Variants in ZNF765 observed in about 807,000 individuals in gnomAD.
ZNF765 encodes the protein zinc finger protein 765.
ZNF765 carries 37 observed loss-of-function variants against 44.7 expected under a neutral mutation model. The ratio of observed to expected loss-of-function variants is 0.83; its 90% CI spans 0.64 to 1.09. The LOEUF is 1.09. Among genes scored for constraint, ZNF765 ranks in the 50% least tolerant of loss-of-function variants. The probability of loss-of-function intolerance (pLI) is 0.00; values close to 1 mark genes in which losing one functional copy is unlikely to be tolerated. For synonymous variants in ZNF765, 201 were observed against 213.7 expected, an observed-to-expected ratio of 0.94 and a Z score of 0.52; for missense variants, 594 against 626.1, an observed-to-expected ratio of 0.95 and a Z score of 0.55.
In ZNF765 at chr19:53,411,292, A is replaced by ATTTT. The variant is rs34326774; in HGVS notation, c.*2179_*2182dup. The ATTTT allele has an allele frequency of 1.5e-3, 201 of 133,184 alleles. 5 individuals carry two copies. The South Asian group carries it at 0.015, about 10-fold the overall frequency. The allele number at this position is 133,184 out of a possible 1,614,324, so 8.3% of individuals were successfully genotyped here. ...GTTTCTTTAACAAAAACTGATAGGG[A>ATTTT]TTTTTTTTTTTTTTTTTGAGATGGA... is the stretch of plus-strand genomic sequence containing the variant. On this transcript the variant is annotated 3_prime_UTR_variant, in exon 4 of 4. Coordinates refer to ENST00000396408, the MANE Select transcript of ZNF765 (RefSeq NM_001040185.3).
intron 3 of ZNF765, among the ~76,000 whole-genome samples, chr19:53,417,496 A>G (rs553333989): frequency 1.7e-4 from 26 of 152,266 alleles, no homozygotes; most frequent in African/African-American, 6.3e-4. Context: ...TCCATGGTGT[A>G]TAGGTACCAC....
chr19:53,427,035 G>A (rs2085943953), exon 4 of ZNF765: 1 of 138,010 alleles, frequency 7.2e-6, no homozygotes. Flanking sequence ...CTGGGTGTCA[G>A]GATCTCTAAA....
intron 1 of ZNF765, among the ~76,000 whole-genome samples, chr19:53,397,595 C>G (rs1398265130): frequency 1.3e-5 from 2 of 152,042 alleles, no homozygotes; most frequent in Non-Finnish European, 2.9e-5. Context: ...GTTGCCCAGG[C>G]TGGTCTCAAA....
chr19:53,422,476 A>G (rs115579518), intron 3 of ZNF765, among the ~76,000 whole-genome samples: 1,819 of 152,362 alleles, frequency 0.012, 43 homozygotes, highest in African/African-American at 0.041. Context: ...CACTTAAAAT[A>G]GGACACATCC....
intron 3 of ZNF765, among the ~76,000 whole-genome samples, chr19:53,421,250 C>T (rs1426333876): frequency 5.3e-5 from 8 of 152,134 alleles, no homozygotes; most frequent in Admixed American, 5.2e-4. Flanking sequence ...ACCCTCTCCC[C>T]ACTATTACCC....
Position 53,410,295 on chromosome 19 carries a change from A to G in ZNF765, c.*1168A>G, listed in dbSNP as rs1218943117. 2 of 360,646 alleles carry G rather than the reference A, an allele frequency of 5.5e-6. No individual in the cohort carries two copies. Among genetic ancestry groups the G allele is most frequent in the Non-Finnish European group, 1.1e-5 (2 of 177,996 alleles). The allele number at this position is 360,646 out of a possible 1,614,324, so 22.3% of individuals were successfully genotyped here. A position where few individuals can be genotyped will look rare whatever the true frequency, so the allele number is the denominator to read the frequency against. ...GTGACAAAGTTTACAGTCGCAAATC[A>G]AGCCTCCAAAGACAGGAGAATTCAT... On this transcript the variant is annotated 3_prime_UTR_variant, in exon 4 of 4. Coordinates refer to ENST00000396408, the MANE Select transcript of ZNF765 (RefSeq NM_001040185.3).
chr19:53,420,565 G>A (rs565898853), intron 3 of ZNF765, among the ~76,000 whole-genome samples: 1 of 152,124 alleles, frequency 6.6e-6, no homozygotes, highest in Non-Finnish European at 1.5e-5. Flanking sequence ...GACTCTTACT[G>A]TGTCTATGTA....
chr19:53,395,384 C>T (rs769109880), intron 1 of ZNF765, among the ~76,000 whole-genome samples, 191 bp downstream of exon 1: 2 of 152,228 alleles, frequency 1.3e-5, no homozygotes, highest in Non-Finnish European at 2.9e-5. Context: ...AGGCTGGTCC[C>T]GTCCCGGGTG....
At chr19:53,413,127 A>AT, downstream of ZNF765, 1 of 460,492 alleles carries the variant, frequency 2.2e-6, no homozygotes. Context: ...AAAAAAAAAA[A>AT]GATGTCAAGC....
At chr19:53,401,165 C>A (rs951364743) in intron 2 of ZNF765, among the ~76,000 whole-genome samples, 1 of 152,088 alleles carries the variant, frequency 6.6e-6, no homozygotes. Context: ...TGCACCCAGC[C>A]AGATTTTAGT....
chr19:53,398,258 A>G (rs912624867), intron 2 of ZNF765, among the ~76,000 whole-genome samples: 4 of 152,142 alleles, frequency 2.6e-5, no homozygotes, highest in African/African-American at 9.7e-5. Flanking sequence ...AAGGGCTCAC[A>G]CCCAGACATG....
At chr19:53,415,296 AAAAG>A (rs1040390222), downstream of ZNF765, among the ~76,000 whole-genome samples, 7 of 152,134 alleles carry the variant, frequency 4.6e-5, no homozygotes, top group Admixed American at 1.3e-4. Flanking sequence ...AAGAAAAAGA[AAAAG>A]AAAACATCAC....
intron 3 of ZNF765, among the ~76,000 whole-genome samples, chr19:53,403,860 A>G (rs1391653957): frequency 1.3e-5 from 2 of 151,300 alleles, no homozygotes. Flanking sequence ...AAAAACAACA[A>G]CAACAAAATT....
intron 2 of ZNF765, among the ~76,000 whole-genome samples, chr19:53,401,532 C>T (rs2085726034): frequency 6.6e-6 from 1 of 151,318 alleles, no homozygotes; most frequent in African/African-American, 2.4e-5. Flanking sequence ...CACTGTACTC[C>T]AGCCTGGGCG....
chr19:53,408,633 T>C lies in ZNF765; in HGVS notation c.1078T>C (p.Cys360Arg), dbSNP rs761541962. The change falls in exon 4 of 4, where the codon TGT becomes CGT. Residue 360 changes from cysteine to arginine, a missense_variant. This residue lies in a region of ZNF765 where 567 missense variants were observed against 572.6 expected (regional missense o/e 0.99). Coordinates refer to ENST00000396408, the MANE Select transcript of ZNF765 (RefSeq NM_001040185.3). Reference sequence around the variant, plus strand: ...AGAGAAACCTTACAAGTGTAATGAGTGTGGCAAGACCTTTAGTCGGAAGTC... The same window carrying C: ...AGAGAAACCTTACAAGTGTAATGAGCGTGGCAAGACCTTTAGTCGGAAGTC... Reference protein sequence around the residue: ...TGEKPYKCNECGKTFSRKSHF... With the variant: ...TGEKPYKCNERGKTFSRKSHF... The C allele has an allele frequency of 1.2e-6, 2 of 1,613,852 alleles. No homozygotes were observed. Among genetic ancestry groups the C allele is most frequent in the Non-Finnish European group, 8.5e-7 (1 of 1,179,960 alleles).
intron 1 of ZNF765, among the ~76,000 whole-genome samples, chr19:53,396,019 A>T (rs889120645): frequency 1.3e-5 from 2 of 151,588 alleles, no homozygotes; most frequent in African/African-American, 4.9e-5. Context: ...AAAGGAGGAG[A>T]AAAGCAACTG....
At chr19:53,399,728 T>C (rs576157479) in intron 2 of ZNF765, among the ~76,000 whole-genome samples, 40 of 152,152 alleles carry the variant, frequency 2.6e-4, no homozygotes, top group Non-Finnish European at 4.9e-4. Context: ...TCCGGTTTCT[T>C]ACATAGGTAA....
At chr19:53,415,271 GA>G (rs535488937), downstream of ZNF765, among the ~76,000 whole-genome samples, 28 of 133,244 alleles carry the variant, frequency 2.1e-4, no homozygotes, top group Admixed American at 3.9e-4. Context: ...ACTCCATCTC[GA>G]AAAAAAAAAA....
intron 3 of ZNF765, among the ~76,000 whole-genome samples, chr19:53,405,212 C>T (rs367792931): frequency 9.7e-4 from 148 of 152,150 alleles, no homozygotes; most frequent in African/African-American, 2.9e-3. Context: ...ATTAGCTGAG[C>T]GTGGTGGCGC....
Sources: allele counts gnomAD v4.1 joint callset (sites outside exome capture counted in the v4.1 genomes callset), GRCh38; gene constraint gnomAD v4.1.1; regional missense constraint gnomAD v4.1.1; transcripts MANE v1.5; gene names NCBI Gene and HGNC (gene_info 2026-07-23, HGNC 2026-07-21).